SLC40A1: variants seen among roughly 807,000 people sequenced by gnomAD.
SLC40A1 encodes the protein ferroportin.
Under a neutral mutation model 53.5 loss-of-function variants are expected in SLC40A1, and 16 were observed. That is an observed-to-expected ratio of 0.30 (90% CI 0.20 to 0.45). The LOEUF (loss-of-function observed/expected upper bound fraction) is 0.45, where lower values mean the gene tolerates loss of function less well. Ranked by LOEUF, SLC40A1 falls within the 20% of genes least tolerant of loss-of-function variation. The pLI is 1.00. For missense variants in SLC40A1, 545 were observed against 695.4 expected, an observed-to-expected ratio of 0.78 and a Z score of 2.43; for synonymous variants, 247 against 253.2, an observed-to-expected ratio of 0.98 and a Z score of 0.23.
rs1367804167 is a variant in SLC40A1, at chr2:189,565,515, G to T, written c.599C>A (p.Ser200Tyr). The T allele has an allele frequency of 3.7e-6, 6 of 1,614,098 alleles. No individual in the cohort carries two copies. Among genetic ancestry groups the T allele is most frequent in the Non-Finnish European group, 4.2e-6 (5 of 1,180,050 alleles). Residue 200 changes from serine (S) to tyrosine (Y), a missense_variant, in exon 6 of 8, where the codon TCC (serine) becomes TAC (tyrosine). Physicochemically the swap from Ser to Tyr is moderately radical, Grantham distance 144. Around this residue, in one of 4 missense-constraint regions of SLC40A1, gnomAD observed 197 missense variants for 278.8 expected, o/e 0.71. Coordinates refer to ENST00000261024, the MANE Select transcript of SLC40A1 (RefSeq NM_014585.6). ...AATAAAGCCACAGCCGATGACTGGG[G>T]AGCCAAATGTCATAATCTGGCCAAC... ...MAVGQIMTFG[S>Y]PVIGCGFISG...
intron 1 of SLC40A1, 46 bp from the exon 2 acceptor site, chr2:189,579,926 A>C: frequency 2.5e-6 from 4 of 1,569,496 alleles, no homozygotes; most frequent in Non-Finnish European, 3.5e-6. Flanking sequence ...GTAGTCACTT[A>C]ATGAGCTGAG....
intron 2 of SLC40A1, among the ~76,000 whole-genome samples, chr2:189,578,064 G>C (rs950638915): frequency 6.6e-6 from 1 of 152,184 alleles, no homozygotes; most frequent in Non-Finnish European, 1.5e-5. Flanking sequence ...CCTACGTTCA[G>C]TGCATAAGAA....
At chr2:189,576,765 A>T (rs996426) in intron 2 of SLC40A1, among the ~76,000 whole-genome samples, 1 of 152,106 alleles carries the variant, frequency 6.6e-6, no homozygotes, top group Non-Finnish European at 1.5e-5. Context: ...CCTCTGTCAG[A>T]GAGTTTTCTC....
At chr2:189,569,268 A>T (rs2031047781) in intron 5 of SLC40A1, among the ~76,000 whole-genome samples, 1 of 152,194 alleles carries the variant, frequency 6.6e-6, no homozygotes, top group African/African-American at 2.4e-5. Flanking sequence ...TCCAGCTCAA[A>T]ACTTTTACTT....
At chr2:189,572,167 T>C (rs1242835802) in intron 4 of SLC40A1, among the ~76,000 whole-genome samples, 6 of 152,148 alleles carry the variant, frequency 3.9e-5, no homozygotes. Flanking sequence ...TTGAAAAGAA[T>C]GTTGAAGGGG....
chr2:189,561,675 A>AT lies in SLC40A1; in HGVS notation c.*202dup, dbSNP rs541096009. The AT allele has an allele frequency of 4.8e-5, 27 of 566,566 alleles. No homozygotes were observed. The highest frequency in any genetic ancestry group is 6.9e-5 in the Non-Finnish European group (22 of 319,196). The allele number at this position is 566,566 out of a possible 1,614,324, so 35.1% of individuals were successfully genotyped here. Reference sequence around the variant, plus strand: ...ATTTAAACTGAGTTTTTCTTTTCCAATTTTTTTTCCATGCCTCAACATAAG... The same window carrying AT: ...ATTTAAACTGAGTTTTTCTTTTCCAATTTTTTTTTCCATGCCTCAACATAAG... On this transcript the variant is annotated 3_prime_UTR_variant, in exon 8 of 8. Coordinates refer to ENST00000261024, the MANE Select transcript of SLC40A1 (RefSeq NM_014585.6).
rs911196511 is a variant in SLC40A1, at chr2:189,568,223, C to T, written c.515-2624G>A. On this transcript the variant is annotated intron_variant, in intron 5 of 7. Coordinates refer to ENST00000261024, the MANE Select transcript of SLC40A1 (RefSeq NM_014585.6). ...AAAGACTTAGGCCGGGTGCAGTGGC[C>T]CACGCCTGTAATCCCAGCACTTTGG... Among the ~76,000 whole-genome samples the T allele has an allele frequency of 5.3e-5, 8 of 151,824 alleles. No individual in the cohort carries two copies. In the East Asian group the frequency reaches 5.8e-4, roughly 11 times the overall value.
intron 6 of SLC40A1, among the ~76,000 whole-genome samples, chr2:189,564,697 G>A (rs561525440): frequency 7.9e-5 from 12 of 152,162 alleles, no homozygotes; most frequent in Admixed American, 3.9e-4. Context: ...AAAATTAGCC[G>A]GGTGTGGTGG....
chr2:189,575,006 T>A (rs1473801584), intron 3 of SLC40A1, among the ~76,000 whole-genome samples, 155 bp downstream of exon 3: 2 of 152,194 alleles, frequency 1.3e-5, no homozygotes, highest in Admixed American at 6.5e-5. Flanking sequence ...GGACCCTCCA[T>A]CCAGAGGTGG....
At chr2:189,562,228 T>C (rs777573278) in intron 7 of SLC40A1, 37 bp from the exon 8 acceptor site, 36 of 1,450,500 alleles carry the variant, frequency 2.5e-5, no homozygotes, top group Non-Finnish European at 3.2e-5. Context: ...TAGATTTTAG[T>C]TTACAGGCAT....
chr2:189,575,314 G>C lies in SLC40A1; in HGVS notation c.118C>G (p.Arg40Gly). 6.2e-7 allele frequency: 1 copy of C among 1,613,982 alleles called. No individual in the cohort carries two copies. ...ACAGACACCGCAAAGTGCCACATCC[G>C]ATCTCCCTTAAATGAAAAGAGAAAA... ...LGHSLSTWGD[R>G]MWHFAVSVFL... Residue 40 changes from arginine (R) to glycine (G), a missense_variant, in exon 3 of 8, where the codon CGG (arginine) becomes GGG (glycine). By Grantham distance (125) the Arg-to-Gly change is moderately radical (BLOSUM62 -2). Transcript: ENST00000261024.
At chr2:189,572,293 C>T (rs2031155608) in intron 4 of SLC40A1, among the ~76,000 whole-genome samples, 1 of 152,128 alleles carries the variant, frequency 6.6e-6, no homozygotes, top group Non-Finnish European at 1.5e-5. Flanking sequence ...AGGGAATAGG[C>T]TCAAAGATTT....
At chr2:189,563,352 C>A (rs547132711) in intron 7 of SLC40A1, among the ~76,000 whole-genome samples, 34 of 150,082 alleles carry the variant, frequency 2.3e-4, no homozygotes, top group African/African-American at 7.8e-4. Flanking sequence ...AAGCCTGAAC[C>A]ATGTTTTAAG....
Position 189,561,323 on chromosome 2 carries a change from A to G in SLC40A1, c.*555T>C, listed in dbSNP as rs2030731721. On this transcript the variant is annotated 3_prime_UTR_variant, in exon 8 of 8. Transcript: ENST00000261024. ...CTCTTTAAGCTAAACCATAAACCTTATTAGAGAATTCTAGTTAAGTGTTTT... is the reference window on the plus strand; with the variant it reads ...CTCTTTAAGCTAAACCATAAACCTTGTTAGAGAATTCTAGTTAAGTGTTTT... The G allele has an allele frequency of 6.5e-6, 1 of 155,004 alleles. No homozygotes were observed. The highest frequency in any genetic ancestry group is 2.4e-5 in the African/African-American group (1 of 41,480). The allele number at this position is 155,004 out of a possible 1,614,324, so 9.6% of individuals were successfully genotyped here.
chr2:189,566,569 T>C (rs1312478282), intron 5 of SLC40A1, among the ~76,000 whole-genome samples: 1 of 152,168 alleles, frequency 6.6e-6, no homozygotes, highest in Non-Finnish European at 1.5e-5. Flanking sequence ...AATGATACAG[T>C]AGATAAGGGA....
chr2:189,562,006 A>G lies in SLC40A1; in HGVS notation c.1588T>C (p.Phe530Leu), dbSNP rs1423640117. The G allele has an allele frequency of 3.1e-6, 5 of 1,614,180 alleles. No homozygotes were observed. In the Admixed American group the frequency reaches 8.3e-5, roughly 27 times the overall value. ...TACATAATGTGGCCCATTGCCACAA[A>G]GGAGACTGAAATCAATACGAGCAAG... is the stretch of plus-strand genomic sequence containing the variant. ...FGLLVLISVS[F>L]VAMGHIMYFR... is the part of the protein sequence containing the mutation. Residue 530 changes from phenylalanine to leucine, a missense_variant, in exon 8 of 8, where the codon TTT becomes CTT. By Grantham distance (22) the Phe-to-Leu change is conservative. Coordinates refer to ENST00000261024, the MANE Select transcript of SLC40A1 (RefSeq NM_014585.6).
intron 5 of SLC40A1, 74 bp downstream of exon 5, chr2:189,571,641 C>T: frequency 6.4e-7 from 1 of 1,571,890 alleles, no homozygotes; most frequent in Non-Finnish European, 8.6e-7. Flanking sequence ...ACAAGGCTTA[C>T]AGCCTCATTT....
rs1354294875 is a variant in SLC40A1 at position 189,562,098 on chromosome 2, A to G, written c.1496T>C (p.Met499Thr). ...RGIINGVQNS[M>T]NYLLDLLHFI... Reference sequence around the variant, plus strand: ...ATGCAGAAGATCAAGAAGATAGTTCATGGAGTTCTGTACACCATTTATAAT... The same window carrying G: ...ATGCAGAAGATCAAGAAGATAGTTCGTGGAGTTCTGTACACCATTTATAAT... Residue 499 changes from methionine to threonine, a missense_variant, in exon 8 of 8, where the codon ATG becomes ACG. By Grantham distance (81) the Met-to-Thr change is moderately conservative. Coordinates refer to ENST00000261024, the MANE Select transcript of SLC40A1 (RefSeq NM_014585.6). 2 of 1,613,826 alleles carry G rather than the reference A, an allele frequency of 1.2e-6. No individual in the cohort carries two copies. Among genetic ancestry groups the G allele is most frequent in the Admixed American group, 1.7e-5 (1 of 60,002 alleles).
At position 189,579,897 on chromosome 2, in the gene SLC40A1, G is replaced by T. The variant is rs767047095; in HGVS notation, c.44-17C>A. The T allele has an allele frequency of 6.2e-7, 1 of 1,613,700 alleles. No homozygotes were observed. The highest frequency in any genetic ancestry group is 1.6e-4 in the Middle Eastern group (1 of 6,062). ...CCAAGGATCCTGCAAAGACACAGGC[G>T]GGGTGACAAAAAGCGATGGTAGTCA... On this transcript the variant is annotated splice_polypyrimidine_tract_variant and intron_variant, in intron 1 of 7. Coordinates refer to ENST00000261024, the MANE Select transcript of SLC40A1 (RefSeq NM_014585.6).
Sources: gnomAD v4.1 joint callset for allele counts (sites outside exome capture counted in the v4.1 genomes callset) on GRCh38, gnomAD v4.1.1 for gene constraint, gnomAD v4.1.1 regional missense constraint, MANE v1.5 for transcripts, NCBI Gene and HGNC (gene_info 2026-07-23, HGNC 2026-07-21) for gene names.